Variants in EML6 observed in about 807,000 individuals in gnomAD.
The protein encoded by EML6 is EMAP like 6.
A neutral mutation model predicts 240.1 loss-of-function variants in EML6; 154 were observed. The ratio of observed to expected loss-of-function variants is 0.64; its 90% CI spans 0.56 to 0.73. The LOEUF is 0.73. Ranked by LOEUF, EML6 falls within the 30% of genes least tolerant of loss-of-function variation. The pLI, the probability that EML6 is intolerant of heterozygous loss-of-function variation, is 0.00. For synonymous variants in EML6, 1,148 were observed against 899.0 expected (o/e 1.28, Z -4.95); for missense variants, 2,964 against 2,474.6 (o/e 1.20, Z -4.20).
chr2:54,819,378 T>C (rs992850586), intron 4 of EML6, among the ~76,000 whole-genome samples: 1 of 152,224 alleles, frequency 6.6e-6, no homozygotes, highest in Admixed American at 6.5e-5. Context: ...AATACCTGTT[T>C]TAAGCAATTG....
At position 54,891,816 on chromosome 2, in the gene EML6, C is replaced by G. The variant is rs146066069; in HGVS notation, c.2540-638C>G. ...CACCCAGTATGTCTGGAGAGCCAGCCTGTGTGTAGCTGTCTTGAATAAAGC... is the reference window on the plus strand; with the variant it reads ...CACCCAGTATGTCTGGAGAGCCAGCGTGTGTGTAGCTGTCTTGAATAAAGC... On this transcript the variant is annotated intron_variant, in intron 18 of 41. Transcript: ENST00000356458. Among the ~76,000 whole-genome samples, 3 of 152,256 alleles carry G rather than the reference C, an allele frequency of 2.0e-5. No individual in the cohort carries two copies. The East Asian group carries it at 5.8e-4, about 29-fold the overall frequency.
chr2:54,971,210 G>A lies in EML6; in HGVS notation c.*1115G>A, dbSNP rs1350401424. On this transcript the variant is annotated 3_prime_UTR_variant, in exon 42 of 42. Coordinates refer to ENST00000356458, the MANE Select transcript of EML6 (RefSeq NM_001039753.4). Reference sequence around the variant, plus strand: ...CAAATTGTAAACCCAAGGAATAGCTGGTAAATCAAAATTATAAAGTGAGTT... The same window carrying A: ...CAAATTGTAAACCCAAGGAATAGCTAGTAAATCAAAATTATAAAGTGAGTT... 6.6e-6 allele frequency: 1 copy of A among 152,164 alleles called. No individual in the cohort carries two copies. Among genetic ancestry groups the A allele is most frequent in the Non-Finnish European group, 1.5e-5 (1 of 68,038 alleles). The allele number at this position is 152,164 out of a possible 1,614,324, so 9.4% of individuals were successfully genotyped here. A position where few individuals can be genotyped will look rare whatever the true frequency, so the allele number is the denominator to read the frequency against.
chr2:54,832,835 G>C (rs1433732308), intron 7 of EML6, among the ~76,000 whole-genome samples: 2 of 151,726 alleles, frequency 1.3e-5, no homozygotes, highest in African/African-American at 4.8e-5. Context: ...ATATTCGAAA[G>C]GAACAGATTC....
chr2:54,737,302 T>C (rs1240683041), intron 2 of EML6, among the ~76,000 whole-genome samples: 1 of 152,150 alleles, frequency 6.6e-6, no homozygotes, highest in African/African-American at 2.4e-5. Flanking sequence ...GTTTTCTTTT[T>C]GTTTTTGTTT....
At chr2:54,801,524 G>A (rs1221912717) in intron 2 of EML6, among the ~76,000 whole-genome samples, 2 of 152,134 alleles carry the variant, frequency 1.3e-5, no homozygotes, top group Admixed American at 6.5e-5. Context: ...GATTGCTTGC[G>A]CCAGCTCTGA....
At chr2:54,939,625 G>T (rs1288180928) in intron 28 of EML6, among the ~76,000 whole-genome samples, 1 of 152,132 alleles carries the variant, frequency 6.6e-6, no homozygotes, top group African/African-American at 2.4e-5. Context: ...TCATAATCCT[G>T]AAGGGTGATC....
intron 9 of EML6, 68 bp from the exon 10 acceptor site, chr2:54,849,894 T>A: frequency 7.6e-7 from 1 of 1,307,278 alleles, no homozygotes; most frequent in East Asian, 2.5e-5. Context: ...TTCTGACACA[T>A]ATATTTTAAA....
intron 2 of EML6, among the ~76,000 whole-genome samples, chr2:54,728,236 T>A (rs1682995157): frequency 6.6e-6 from 1 of 152,192 alleles, no homozygotes; most frequent in African/African-American, 2.4e-5. Flanking sequence ...CTGGGATAAT[T>A]ACTAACTTGG....
rs555457610 is a variant in EML6 at position 54,935,733 on chromosome 2, A to C, written c.4004+6982A>C. ...ATCTTTAAAAATAATGTTTAAGGCCAGGCGTAGTAGCTCACACCTGTAATC... is the reference window on the plus strand; with the variant it reads ...ATCTTTAAAAATAATGTTTAAGGCCCGGCGTAGTAGCTCACACCTGTAATC... On this transcript the variant is annotated intron_variant, in intron 28 of 41. Transcript: ENST00000356458. 2.6e-5 allele frequency among the ~76,000 whole-genome samples: 4 copies of C among 152,312 alleles called. No homozygotes were observed. In the South Asian group the frequency reaches 8.3e-4, roughly 32 times the overall value.
chr2:54,838,578 C>T (rs979722026), intron 7 of EML6, among the ~76,000 whole-genome samples: 19 of 152,210 alleles, frequency 1.2e-4, no homozygotes, highest in African/African-American at 4.6e-4. Flanking sequence ...CAGACTAGAT[C>T]TCCCCATGGC....
At chr2:54,928,794 A>C in intron 28 of EML6, 43 bp downstream of exon 28, 3 of 1,550,700 alleles carry the variant, frequency 1.9e-6, no homozygotes, top group Middle Eastern at 1.7e-4. Flanking sequence ...ATACCTGATG[A>C]CAAGAAACTT....
intron 15 of EML6, among the ~76,000 whole-genome samples, chr2:54,870,909 C>G (rs1671223734): frequency 6.6e-6 from 1 of 152,146 alleles, no homozygotes; most frequent in South Asian, 2.1e-4. Context: ...TCCCCACCCC[C>G]CACTACATAT....
chr2:54,951,647 C>A (rs767135385), intron 30 of EML6, among the ~76,000 whole-genome samples: 1 of 151,502 alleles, frequency 6.6e-6, no homozygotes, highest in South Asian at 2.1e-4. Flanking sequence ...AAAACTATAT[C>A]ATTACCACCA....
Position 54,844,053 on chromosome 2 carries a change from C to T in EML6, c.854C>T (p.Ser285Phe). The T allele has an allele frequency of 1.3e-6, 2 of 1,548,458 alleles. No homozygotes were observed. The highest frequency in any genetic ancestry group is 1.7e-6 in the Non-Finnish European group (2 of 1,145,688). The change falls in exon 8 of 42, where the codon TCT becomes TTT. Residue 285 changes from serine to phenylalanine, a missense_variant. Transcript: ENST00000356458. ...TTTTACTTATTTTTGTCAGGCCTCT[C>T]TATCCGGAGCGTGTGCTGGAAAGCA... ...RETEQGYKGL[S>F]IRSVCWKADR...
Position 54,964,099 on chromosome 2 carries a change from G to A in EML6, c.5271G>A (p.Val1757=), listed in dbSNP as rs1466617053. Residue 1757 remains valine, a synonymous_variant, in exon 37 of 42, where the codon GTG becomes GTA. Transcript: ENST00000356458. ...MKNGEFVILL[V]NSLKVWGKKR... ...ATGGAGAGTTTGTCATCTTGTTGGT[G>A]AACAGCCTGAAAGTTTGGGGGAAAA... 1 of 1,551,612 alleles carries A rather than the reference G, an allele frequency of 6.4e-7. No homozygotes were observed. The highest frequency in any genetic ancestry group is 8.7e-7 in the Non-Finnish European group (1 of 1,147,010).
intron 8 of EML6, among the ~76,000 whole-genome samples, chr2:54,846,906 A>G (rs1160484797): frequency 1.4e-5 from 2 of 145,654 alleles, no homozygotes; most frequent in Non-Finnish European, 3.0e-5. Flanking sequence ...TGAAAGTAAT[A>G]TTTTGTATGA....
intron 2 of EML6, among the ~76,000 whole-genome samples, chr2:54,785,799 CG>C (rs1295770075): frequency 6.6e-6 from 1 of 151,952 alleles, no homozygotes; most frequent in African/African-American, 2.4e-5. Context: ...CTAGGCTACA[CG>C]GTTCATTTTT....
chr2:54,931,261 T>C (rs1222311066), intron 28 of EML6, among the ~76,000 whole-genome samples: 2 of 151,942 alleles, frequency 1.3e-5, no homozygotes, highest in African/African-American at 2.4e-5. Context: ...CCGGCGACCG[T>C]AGGCATCTTC....
At chr2:54,837,378 T>G (rs923116057) in intron 7 of EML6, among the ~76,000 whole-genome samples, 2 of 152,194 alleles carry the variant, frequency 1.3e-5, no homozygotes, top group African/African-American at 4.8e-5. Context: ...CCTCATCGGT[T>G]CAGCACGTAT....
Sources: allele counts gnomAD v4.1 joint callset (sites outside exome capture counted in the v4.1 genomes callset), GRCh38; gene constraint gnomAD v4.1.1; transcripts MANE v1.5; gene names NCBI Gene and HGNC (gene_info 2026-07-23, HGNC 2026-07-21).